Variants in ST7L observed in about 807,000 individuals in gnomAD.
ST7L encodes the protein suppressor of tumorigenicity 7 protein-like.
ST7L carries 57 observed loss-of-function variants against 72.5 expected under a neutral mutation model. The observed-to-expected ratio is 0.79, with a 90% CI of 0.64 to 0.98. The LOEUF (loss-of-function observed/expected upper bound fraction) is 0.98, where lower values mean the gene tolerates loss of function less well. Ranked by LOEUF, ST7L falls within the 50% of genes least tolerant of loss-of-function variation. The pLI is 0.00. For synonymous variants in ST7L, 221 were observed against 240.9 expected (o/e 0.92, Z 0.77); for missense variants, 576 against 672.2 (o/e 0.86, Z 1.58).
At chr1:112,617,936 G>T in intron 1 of ST7L, 1 of 1,243,358 alleles carries the variant, frequency 8.0e-7, no homozygotes. Flanking sequence ...GCTTATTTTA[G>T]AGTGCTAGTT....
chr1:112,567,518 T>C (rs1557991084), intron 11 of ST7L, among the ~76,000 whole-genome samples: 1 of 152,214 alleles, frequency 6.6e-6, no homozygotes, highest in Non-Finnish European at 1.5e-5. Context: ...CTAGGAAATC[T>C]TTCTTTACCC....
At chr1:112,577,222 C>CAAA (rs879471946) in intron 10 of ST7L, 134 bp from the exon 11 acceptor site, 55 of 302,596 alleles carry the variant, frequency 1.8e-4, no homozygotes, top group South Asian at 2.6e-4. Flanking sequence ...AGAGGACTAA[C>CAAA]AAAAAAAAAA....
chr1:112,587,836 T>C (rs1665092522), intron 6 of ST7L, among the ~76,000 whole-genome samples: 1 of 152,212 alleles, frequency 6.6e-6, no homozygotes, highest in Non-Finnish European at 1.5e-5. Flanking sequence ...GATCGCCTTG[T>C]CCATTTCTGC....
At chr1:112,535,572 A>C (rs1655066416) in intron 14 of ST7L, among the ~76,000 whole-genome samples, 2 of 151,442 alleles carry the variant, frequency 1.3e-5, no homozygotes, top group African/African-American at 2.4e-5. Context: ...TCTATAACAA[A>C]TTTTTAAAAA....
intron 11 of ST7L, among the ~76,000 whole-genome samples, chr1:112,565,108 G>C (rs1393345585): frequency 6.7e-6 from 1 of 150,206 alleles, no homozygotes; most frequent in Non-Finnish European, 1.5e-5. Context: ...GCAATGGCGC[G>C]ATCTCGGCTC....
chr1:112,541,045 G>A (rs776725766), intron 14 of ST7L, among the ~76,000 whole-genome samples: 1 of 152,196 alleles, frequency 6.6e-6, no homozygotes, highest in Non-Finnish European at 1.5e-5. Flanking sequence ...AGCACTTTGG[G>A]AGGCTGAGGC....
chr1:112,607,883 A>C (rs1668493558), intron 3 of ST7L, among the ~76,000 whole-genome samples: 1 of 152,228 alleles, frequency 6.6e-6, no homozygotes, highest in African/African-American at 2.4e-5. Context: ...TCTAGAGTTT[A>C]AAAGAGAACT....
downstream of ST7L, chr1:112,522,416 C>G (rs1329165292): frequency 3.3e-5 from 5 of 152,278 alleles, no homozygotes; most frequent in Non-Finnish European, 7.3e-5. Flanking sequence ...CCCATCATGA[C>G]TTCTCTAGGA....
intron 11 of ST7L, among the ~76,000 whole-genome samples, chr1:112,566,247 G>C (rs1298923555): frequency 6.7e-6 from 1 of 150,002 alleles, no homozygotes; most frequent in South Asian, 2.1e-4. Context: ...ATGTAGACAA[G>C]TAATGCCCAA....
intron 1 of ST7L, 54 bp downstream of exon 1, chr1:112,618,855 C>T: frequency 1.3e-6 from 2 of 1,539,298 alleles, no homozygotes; most frequent in Non-Finnish European, 1.8e-6. Context: ...TGGCTCTTGC[C>T]CCCGACATCT....
At chr1:112,615,465 G>GT (rs1203198529) in intron 2 of ST7L, among the ~76,000 whole-genome samples, 1 of 152,160 alleles carries the variant, frequency 6.6e-6, no homozygotes, top group Non-Finnish European at 1.5e-5. Context: ...TGAAAAAACT[G>GT]TAAGTTGAAT....
chr1:112,616,560 T>C (rs1028640502), intron 2 of ST7L, among the ~76,000 whole-genome samples: 3 of 151,942 alleles, frequency 2.0e-5, no homozygotes, highest in African/African-American at 7.3e-5. Context: ...CTGACCAATA[T>C]GGTGAAATGC....
At chr1:112,591,174 G>A (rs1288869643) in intron 6 of ST7L, among the ~76,000 whole-genome samples, 11 of 151,972 alleles carry the variant, frequency 7.2e-5, no homozygotes, top group South Asian at 4.1e-4. Context: ...CTCATGATCC[G>A]CCTGCCTCGG....
At chr1:112,540,544 T>C in intron 14 of ST7L, 1 of 985,468 alleles carries the variant, frequency 1.0e-6, no homozygotes, top group Non-Finnish European at 1.2e-6. Context: ...TCTTGAAGTT[T>C]GACCCAGAAT....
At chr1:112,602,266 A>T (rs890763535) in intron 3 of ST7L, among the ~76,000 whole-genome samples, 1 of 152,200 alleles carries the variant, frequency 6.6e-6, no homozygotes, top group Non-Finnish European at 1.5e-5. Flanking sequence ...GATTCATGGA[A>T]CTGCAAAGTA....
chr1:112,616,137 G>A (rs1295948798), intron 2 of ST7L, among the ~76,000 whole-genome samples: 2 of 152,088 alleles, frequency 1.3e-5, no homozygotes, highest in Non-Finnish European at 2.9e-5. Flanking sequence ...TTTAGAAGGG[G>A]CATGCACTGT....
chr1:112,600,783 A>G lies in ST7L; in HGVS notation c.506+11T>C, dbSNP rs1176892173. On this transcript the variant is annotated intron_variant, in intron 4 of 14. Coordinates refer to ENST00000358039, the MANE Select transcript of ST7L (RefSeq NM_017744.5). ...CAATGCCCTACTTATACTGAAAGCA[A>G]AATGTAATACCTCCTATATTCTGCT... 5 of 1,608,200 alleles carry G rather than the reference A, an allele frequency of 3.1e-6. No individual in the cohort carries two copies. The highest frequency in any genetic ancestry group is 1.7e-4 in the Middle Eastern group (1 of 5,868).
intron 6 of ST7L, among the ~76,000 whole-genome samples, chr1:112,586,638 AT>A (rs955593169): frequency 3.3e-5 from 5 of 152,080 alleles, no homozygotes; most frequent in Non-Finnish European, 5.9e-5. Context: ...TGGTGAAAAG[AT>A]TTTTTCCCCC....
At position 112,618,955 on chromosome 1, in the gene ST7L, A is replaced by C. The variant is rs540878500; in HGVS notation, c.159T>G (p.Leu53=). 107 of 1,595,318 alleles carry C rather than the reference A, an allele frequency of 6.7e-5. 2 individuals carry two copies. The Middle Eastern group carries it at 2.2e-3, about 32-fold the overall frequency. The stretch of plus-strand genomic sequence containing the variant: ...GCCTCAAAGGGATCCTCAGGGCGTA[A>C]AGCAGCCCCAGCCCCGCCACGAACC... ...SLWFVAGLGL[L]YALRIPLRLC... Residue 53 remains leucine, a synonymous_variant, in exon 1 of 15, where the codon CTT becomes CTG. Coordinates refer to ENST00000358039, the MANE Select transcript of ST7L (RefSeq NM_017744.5).
Sources: allele counts gnomAD v4.1 joint callset (sites outside exome capture counted in the v4.1 genomes callset), GRCh38; gene constraint gnomAD v4.1.1; transcripts MANE v1.5; gene names NCBI Gene and HGNC (gene_info 2026-07-23, HGNC 2026-07-21).